Variants in SLC17A3 observed in about 807,000 individuals in gnomAD.
SLC17A3 encodes the protein sodium-dependent phosphate transport protein 4.
Under a neutral mutation model 60.3 loss-of-function variants are expected in SLC17A3, and 61 were observed. The observed-to-expected ratio is 1.01, with a 90% CI of 0.82 to 1.25. The LOEUF is 1.25. Ranked by LOEUF, SLC17A3 falls within the 50% of genes most tolerant of loss-of-function variation. The probability of loss-of-function intolerance (pLI) is 0.00; values close to 1 mark genes in which losing one functional copy is unlikely to be tolerated. For missense variants in SLC17A3, 624 were observed against 594.9 expected, an observed-to-expected ratio of 1.05 and a Z score of -0.51; for synonymous variants, 192 against 208.9, an observed-to-expected ratio of 0.92 and a Z score of 0.70.
rs144108103 is a variant in SLC17A3 at position 25,861,911 on chromosome 6, C to A, written c.422G>T (p.Arg141Leu). The change falls in exon 4 of 13, where the codon CGA becomes CTA. Residue 141 changes from arginine to leucine, a missense_variant. Arg to Leu is a moderately radical substitution (Grantham distance 102). Coordinates refer to ENST00000397060, the MANE Select transcript of SLC17A3 (RefSeq NM_001098486.2). ...TGCAAACAAAGAAATGCCAACCACTCGCTTTGTTCCTACTCTTCCAGCCAG... is the reference window on the plus strand; with the variant it reads ...TGCAAACAAAGAAATGCCAACCACTAGCTTTGTTCCTACTCTTCCAGCCAG... Reference protein sequence around the residue: ...GYLAGRVGTKRVVGISLFATS... With the variant: ...GYLAGRVGTKLVVGISLFATS... The A allele has an allele frequency of 6.2e-7, 1 of 1,612,642 alleles. No homozygotes were observed. The highest frequency in any genetic ancestry group is 1.1e-5 in the South Asian group (1 of 90,796).
chr6:25,858,069 G>A (rs558890656), intron 5 of SLC17A3, among the ~76,000 whole-genome samples: 15 of 152,214 alleles, frequency 9.9e-5, no homozygotes, highest in Admixed American at 3.3e-4. Flanking sequence ...AGGCTGGAGT[G>A]CAGTGGCATG....
Position 25,845,445 on chromosome 6 carries a change from G to A in SLC17A3, c.1434C>T (p.Tyr478=). Residue 478 remains tyrosine, a synonymous_variant, in exon 12 of 13, where the codon TAC becomes TAT. Transcript: ENST00000397060. ...FAVNLLGLLF[Y]LIFGEADVQE... ...GGACATCTGCTTCTCCAAATATGAG[G>A]TAGAAGAGTAGTCCTAACAGGTTAA... 1.2e-6 allele frequency: 2 copies of A among 1,614,022 alleles called. No homozygotes were observed. Among genetic ancestry groups the A allele is most frequent in the Non-Finnish European group, 1.7e-6 (2 of 1,179,924 alleles).
At position 25,845,154 on chromosome 6, in the gene SLC17A3, A is replaced by G; in HGVS notation, c.*147T>C. On this transcript the variant is annotated 3_prime_UTR_variant, in exon 13 of 13. Coordinates refer to ENST00000397060, the MANE Select transcript of SLC17A3 (RefSeq NM_001098486.2). ...ATTCATCTTACATTTCTCTCAAAAA[A>G]AAGTCTGAATAAAATAATGAACTGA... 2.0e-6 allele frequency: 1 copy of G among 490,512 alleles called. No homozygotes were observed. The allele number at this position is 490,512 out of a possible 1,614,324, so 30.4% of individuals were successfully genotyped here. A position where few individuals can be genotyped will look rare whatever the true frequency, so the allele number is the denominator to read the frequency against.
intron 5 of SLC17A3, among the ~76,000 whole-genome samples, chr6:25,861,062 C>G (rs1765438112): frequency 6.6e-6 from 1 of 152,142 alleles, no homozygotes; most frequent in African/African-American, 2.4e-5. Context: ...TTAGCAGTCT[C>G]CTGTTTCTTA....
At chr6:25,866,665 G>T (rs1738840814) in intron 2 of SLC17A3, among the ~76,000 whole-genome samples, 1 of 151,924 alleles carries the variant, frequency 6.6e-6, no homozygotes, top group Admixed American at 6.6e-5. Context: ...AAAAATATTT[G>T]CATTACAAAA....
chr6:25,851,028 C>T lies in SLC17A3; in HGVS notation c.713-151G>A, dbSNP rs913537310. The T allele has an allele frequency of 2.4e-5, 17 of 712,562 alleles. 1 individual carries two copies. Among genetic ancestry groups the T allele is most frequent in the African/African-American group, 1.6e-4 (9 of 56,928 alleles). The allele number at this position is 712,562 out of a possible 1,614,324, so 44.1% of individuals were successfully genotyped here. On this transcript the variant is annotated intron_variant, in intron 6 of 12. Transcript: ENST00000397060. ...TTTCTGAAACAATTCACCCATTTTA[C>T]ATTTCCTGTTTATTTGTGTGTGTGG... is the stretch of plus-strand genomic sequence containing the variant.
intron 11 of SLC17A3, among the ~76,000 whole-genome samples, chr6:25,848,774 C>T (rs1295817651): frequency 6.6e-6 from 1 of 152,066 alleles, no homozygotes; most frequent in Non-Finnish European, 1.5e-5. Flanking sequence ...AGAGCTTTTG[C>T]ACAGCAAAAG....
chr6:25,863,793 A>T (rs929823729), intron 2 of SLC17A3, among the ~76,000 whole-genome samples: 3 of 151,970 alleles, frequency 2.0e-5, no homozygotes, highest in Non-Finnish European at 4.4e-5. Context: ...AGCTGGATTG[A>T]CCACTCTTCT....
At chr6:25,857,269 A>G (rs757079133) in intron 5 of SLC17A3, among the ~76,000 whole-genome samples, 1 of 149,990 alleles carries the variant, frequency 6.7e-6, no homozygotes, top group Non-Finnish European at 1.5e-5. Flanking sequence ...ACGTTTTTCT[A>G]TCTTTAACTA....
intron 5 of SLC17A3, among the ~76,000 whole-genome samples, 158 bp from the exon 6 acceptor site, chr6:25,855,388 T>A (rs1765342205): frequency 6.6e-6 from 1 of 152,210 alleles, no homozygotes; most frequent in African/African-American, 2.4e-5. Context: ...TAAGAACATA[T>A]AATTTCATAT....
intron 1 of SLC17A3, among the ~76,000 whole-genome samples, chr6:25,869,670 G>A (rs1294475780): frequency 6.6e-6 from 1 of 151,932 alleles, no homozygotes; most frequent in Non-Finnish European, 1.5e-5. Flanking sequence ...TTGTGCAGGG[G>A]AACTCCCATT....
intron 5 of SLC17A3, among the ~76,000 whole-genome samples, chr6:25,855,708 G>A (rs1765347252): frequency 6.6e-6 from 1 of 152,102 alleles, no homozygotes; most frequent in Admixed American, 6.5e-5. Flanking sequence ...TAGACAGAAA[G>A]CTAGATTTTT....
chr6:25,862,111 C>A, intron 3 of SLC17A3, 82 bp from the exon 4 acceptor site: 1 of 1,403,654 alleles, frequency 7.1e-7, no homozygotes. Context: ...AGACCTTTTG[C>A]TTGCTTTCAA....
chr6:25,853,698 G>A lies in SLC17A3; in HGVS notation c.712+1446C>T, dbSNP rs535473525. On this transcript the variant is annotated intron_variant, in intron 6 of 12. Coordinates refer to ENST00000397060, the MANE Select transcript of SLC17A3 (RefSeq NM_001098486.2). ...CTCCCAAAGTGCTGGGATTACAGGC[G>A]TGAGCCACCGCACCCGGCCTTCTGC... Among the ~76,000 whole-genome samples, 19 of 152,084 alleles carry A rather than the reference G, an allele frequency of 1.2e-4. 1 individual carries two copies. Among genetic ancestry groups the A allele is most frequent in the Admixed American group, 1.1e-3 (17 of 15,284 alleles).
chr6:25,855,888 GT>G (rs1484995201), intron 5 of SLC17A3, among the ~76,000 whole-genome samples: 2 of 152,020 alleles, frequency 1.3e-5, no homozygotes, highest in East Asian at 3.8e-4. Context: ...ATGTGTATAG[GT>G]ATTATCATTT....
intron 1 of SLC17A3, among the ~76,000 whole-genome samples, chr6:25,871,784 C>T (rs1765646168): frequency 6.6e-6 from 1 of 151,924 alleles, no homozygotes; most frequent in Non-Finnish European, 1.5e-5. Flanking sequence ...TCAATAACTT[C>T]TTGATGGGAA....
chr6:25,850,457 AC>A lies in SLC17A3; in HGVS notation c.993+1del. 6.2e-7 allele frequency: 1 copy of A among 1,613,464 alleles called. No individual in the cohort carries two copies. On this transcript the variant is annotated splice_donor_variant, in intron 8 of 12. Coordinates refer to ENST00000397060, the MANE Select transcript of SLC17A3 (RefSeq NM_001098486.2). LOFTEE classifies it high-confidence loss of function. ...GAAAGGAAGGGAAGGAAACATACTC[AC>A]GTCTCTGATGTTAACATGGTACACA... is the stretch of plus-strand genomic sequence containing the variant.
intron 5 of SLC17A3, among the ~76,000 whole-genome samples, chr6:25,857,737 T>C (rs1413681889): frequency 6.6e-6 from 1 of 152,134 alleles, no homozygotes; most frequent in Non-Finnish European, 1.5e-5. Flanking sequence ...AGGCCACAGA[T>C]ACATGGAGAT....
At chr6:25,861,538 G>T in intron 5 of SLC17A3, 86 bp downstream of exon 5, 1 of 1,010,204 alleles carries the variant, frequency 9.9e-7, no homozygotes, top group South Asian at 1.3e-5. Flanking sequence ...AGCAGATGAT[G>T]AGGAACTATG....
Sources: allele counts gnomAD v4.1 joint callset (sites outside exome capture counted in the v4.1 genomes callset), GRCh38; gene constraint gnomAD v4.1.1; transcripts MANE v1.5; gene names NCBI Gene and HGNC (gene_info 2026-07-23, HGNC 2026-07-21).